Variants in SPMIP2 observed in about 807,000 individuals in gnomAD.
SPMIP2 encodes the protein sperm microtubule inner protein 2.
At chr4:158,978,832 C>G in the SPMIP2 span, among the ~76,000 whole-genome samples, 13 of 152,084 alleles carry the variant, frequency 8.5e-5, no homozygotes, top group Non-Finnish European at 1.8e-4. Context: ...AGATGGGCCT[C>G]TTGAATACAG....
chr4:158,906,306 C>A, the SPMIP2 span: 2 of 152,298 alleles, frequency 1.3e-5, no homozygotes, highest in East Asian at 3.9e-4. Context: ...GCTGATGTTA[C>A]AGCTTTTACA....
chr4:158,980,998 G>T, the SPMIP2 span, among the ~76,000 whole-genome samples: 15 of 152,294 alleles, frequency 9.8e-5, no homozygotes, highest in Non-Finnish European at 1.9e-4. Context: ...AACCAGTTTA[G>T]AGAAGAACAT....
At chr4:158,948,143 G>C in the SPMIP2 span, among the ~76,000 whole-genome samples, 4 of 152,042 alleles carry the variant, frequency 2.6e-5, no homozygotes, top group Non-Finnish European at 5.9e-5. Flanking sequence ...AGTTCCCTAG[G>C]CTCCTGCATA....
the SPMIP2 span, among the ~76,000 whole-genome samples, chr4:159,017,293 C>CTTGTA: frequency 1.3e-5 from 2 of 151,934 alleles, no homozygotes; most frequent in Non-Finnish European, 1.5e-5. Flanking sequence ...CTGGATGGAA[C>CTTGTA]AGTCAATCAA....
At chr4:158,978,712 T>G in the SPMIP2 span, among the ~76,000 whole-genome samples, 7 of 152,254 alleles carry the variant, frequency 4.6e-5, no homozygotes, top group Non-Finnish European at 1.0e-4. Flanking sequence ...GTTTAAAGTC[T>G]GTTTTATCAG....
At chr4:158,944,173 A>G in the SPMIP2 span, among the ~76,000 whole-genome samples, 3 of 151,424 alleles carry the variant, frequency 2.0e-5, no homozygotes, top group Non-Finnish European at 4.4e-5. Flanking sequence ...TCCTTATCCA[A>G]ATTTTTCAAA....
the SPMIP2 span, among the ~76,000 whole-genome samples, chr4:158,909,794 A>G: frequency 1 from 151,515 of 152,238 alleles, 75,399 homozygotes; most frequent in East Asian, 1. Context: ...TGTAATCCCA[A>G]CACTTTGGGA....
the SPMIP2 span, among the ~76,000 whole-genome samples, chr4:159,000,178 C>T: frequency 2.9e-3 from 434 of 152,280 alleles, 1 homozygote; most frequent in East Asian, 0.014. Flanking sequence ...ATTCGGATTT[C>T]AGATAAACAA....
the SPMIP2 span, among the ~76,000 whole-genome samples, chr4:158,995,455 A>T: frequency 6.6e-6 from 1 of 152,206 alleles, no homozygotes; most frequent in East Asian, 1.9e-4. Context: ...TATATTTGGC[A>T]CCTTACCACA....
the SPMIP2 span, among the ~76,000 whole-genome samples, chr4:158,921,800 T>C: frequency 6.6e-6 from 1 of 152,128 alleles, no homozygotes; most frequent in African/African-American, 2.4e-5. Flanking sequence ...GTGACAGTGT[T>C]CCTGAGCTAC....
the SPMIP2 span, among the ~76,000 whole-genome samples, chr4:159,064,825 G>A: frequency 6.6e-6 from 1 of 152,148 alleles, no homozygotes; most frequent in Non-Finnish European, 1.5e-5. Context: ...TCTTTCACCT[G>A]TGAAGTTGTA....
the SPMIP2 span, among the ~76,000 whole-genome samples, chr4:159,042,500 G>A: frequency 6.6e-5 from 10 of 152,148 alleles, no homozygotes; most frequent in African/African-American, 9.7e-5. Flanking sequence ...TTGGCTCAAC[G>A]AGAAGGGAAA....
At chr4:158,934,495 G>A in the SPMIP2 span, among the ~76,000 whole-genome samples, 1 of 152,110 alleles carries the variant, frequency 6.6e-6, no homozygotes, top group East Asian at 1.9e-4. Flanking sequence ...GAACAATAAT[G>A]TAATACTACT....
chr4:158,973,638 G>A, the SPMIP2 span, among the ~76,000 whole-genome samples: 1 of 152,264 alleles, frequency 6.6e-6, no homozygotes, highest in East Asian at 1.9e-4. Flanking sequence ...CAGACAGGCT[G>A]ATGCGAAGGT....
At chr4:158,979,789 G>GTTTTTTTTTTTTTTT in the SPMIP2 span, among the ~76,000 whole-genome samples, 1 of 104,506 alleles carries the variant, frequency 9.6e-6, no homozygotes, top group African/African-American at 4.2e-5. Context: ...AGTTGCAAGA[G>GTTTTTTTTTTTTTTT]TTTTTTTTTT....
the SPMIP2 span, among the ~76,000 whole-genome samples, chr4:159,015,590 A>G: frequency 6.6e-6 from 1 of 152,238 alleles, no homozygotes; most frequent in Non-Finnish European, 1.5e-5. Context: ...AAGATTTACT[A>G]GATCAAGGCA....
the SPMIP2 span, among the ~76,000 whole-genome samples, chr4:158,970,381 T>C: frequency 6.6e-6 from 1 of 151,732 alleles, no homozygotes; most frequent in African/African-American, 2.4e-5. Context: ...TACTAAAAAA[T>C]TTTTTTAAAT....
the SPMIP2 span, among the ~76,000 whole-genome samples, chr4:158,909,780 C>T: frequency 1.3e-5 from 2 of 152,190 alleles, no homozygotes; most frequent in Non-Finnish European, 2.9e-5. Context: ...CAATGGCTCA[C>T]GCCTGTAATC....
At chr4:158,904,478 C>T in the SPMIP2 span, 27 of 1,612,862 alleles carry the variant, frequency 1.7e-5, no homozygotes, top group Admixed American at 1.5e-4. Context: ...TTGAATCCAA[C>T]GACCTGCCTC....
Sources: gnomAD v4.1 joint callset for allele counts (sites outside exome capture counted in the v4.1 genomes callset) on GRCh38, gnomAD v4.1.1 for gene constraint, MANE v1.5 for transcripts, NCBI Gene and HGNC (gene_info 2026-07-23, HGNC 2026-07-21) for gene names.